Variants in CTNNA1 observed in about 807,000 individuals in gnomAD.
The protein encoded by CTNNA1 is catenin alpha-1.
Under a neutral mutation model 98.4 loss-of-function variants are expected in CTNNA1, and 37 were observed. The observed-to-expected ratio is 0.38, with a 90% CI of 0.29 to 0.49. The LOEUF (loss-of-function observed/expected upper bound fraction) is 0.49, where lower values mean the gene tolerates loss of function less well. Among genes scored for constraint, CTNNA1 ranks in the 20% least tolerant of loss-of-function variants. The pLI is 0.95. For missense variants in CTNNA1, 761 were observed against 1,147.2 expected (o/e 0.66, Z 4.86); for synonymous variants, 404 against 413.2 (o/e 0.98, Z 0.27).
At chr5:138,902,565 G>T (rs190387348) in intron 9 of CTNNA1, among the ~76,000 whole-genome samples, 1 of 152,116 alleles carries the variant, frequency 6.6e-6, no homozygotes, top group African/African-American at 2.4e-5. Context: ...GACTACAGGC[G>T]CCTGCCACCA....
intron 8 of CTNNA1, among the ~76,000 whole-genome samples, chr5:138,886,827 A>T (rs1754147624): frequency 6.6e-6 from 1 of 152,268 alleles, no homozygotes; most frequent in South Asian, 2.1e-4. Context: ...TTTGGAGTCA[A>T]ATTGAGTTTT....
At chr5:138,883,021 G>C (rs1389437050) in intron 7 of CTNNA1, among the ~76,000 whole-genome samples, 3 of 151,956 alleles carry the variant, frequency 2.0e-5, no homozygotes, top group African/African-American at 7.3e-5. Context: ...AATTTTAGTA[G>C]AGACAGGATT....
chr5:138,852,879 A>ACACGCGCGCGCGCACACACACG (rs1763365397), intron 7 of CTNNA1, among the ~76,000 whole-genome samples: 1 of 151,644 alleles, frequency 6.6e-6, no homozygotes. Context: ...GCGCACACAC[A>ACACGCGCGCGCGCACACACACG]CATTTTTGCA....
At chr5:138,841,591 C>G (rs1762274731) in intron 7 of CTNNA1, among the ~76,000 whole-genome samples, 1 of 150,942 alleles carries the variant, frequency 6.6e-6, no homozygotes. Context: ...ATATATAGAA[C>G]CAAAGACTGT....
At chr5:138,921,596 A>AT (rs386405098) in intron 11 of CTNNA1, among the ~76,000 whole-genome samples, 4,287 of 103,818 alleles carry the variant, frequency 0.041, 385 homozygotes, top group African/African-American at 0.12. Context: ...ATTAGTGGTG[A>AT]TTTTTTTTTT....
At chr5:138,839,523 G>T (rs1023002469) in intron 7 of CTNNA1, among the ~76,000 whole-genome samples, 1 of 152,168 alleles carries the variant, frequency 6.6e-6, no homozygotes, top group Non-Finnish European at 1.5e-5. Context: ...TTGTTGGGTG[G>T]AGTGAAAGTG....
chr5:138,786,855 T>C (rs1278177408), intron 3 of CTNNA1, among the ~76,000 whole-genome samples: 1 of 152,172 alleles, frequency 6.6e-6, no homozygotes, highest in African/African-American at 2.4e-5. Flanking sequence ...TAATAATTGT[T>C]TTAAGCTGCC....
At chr5:138,779,110 C>A (rs1176322047) in intron 1 of CTNNA1, among the ~76,000 whole-genome samples, 2 of 152,214 alleles carry the variant, frequency 1.3e-5, no homozygotes, top group African/African-American at 4.8e-5. Context: ...AACTCCTGAC[C>A]TCAGGTGATC....
At chr5:138,778,920 C>T (rs1333224665) in intron 1 of CTNNA1, among the ~76,000 whole-genome samples, 1 of 152,084 alleles carries the variant, frequency 6.6e-6, no homozygotes, top group Non-Finnish European at 1.5e-5. Flanking sequence ...GCTCTGTTGC[C>T]TAGGCTGGAG....
intron 7 of CTNNA1, 173 bp downstream of exon 7, chr5:138,827,891 C>T: frequency 1.5e-6 from 1 of 674,786 alleles, no homozygotes; most frequent in Non-Finnish European, 2.5e-6. Flanking sequence ...TGGCTCTTTC[C>T]TCTCTCCAGC....
In CTNNA1 at chr5:138,827,711, T is replaced by C; in HGVS notation, c.1055T>C (p.Met352Thr). Reference protein sequence around the residue: ...QALQDLLSEYMGNAGRKERSD... With the variant: ...QALQDLLSEYTGNAGRKERSD... The stretch of plus-strand genomic sequence containing the variant: ...CTGCAGGACCTGCTTTCGGAGTACA[T>C]GGGCAATGTGAGTTTGACAGCTTTT... Residue 352 changes from methionine (M) to threonine (T), a missense_variant, in exon 7 of 18, where the codon ATG (methionine) becomes ACG (threonine). By Grantham distance (81) the Met-to-Thr change is moderately conservative. Around this residue, in one of 6 missense-constraint regions of CTNNA1, gnomAD observed 287 missense variants for 436.0 expected, o/e 0.66. Coordinates refer to ENST00000302763, the MANE Select transcript of CTNNA1 (RefSeq NM_001903.5). 3 of 1,614,184 alleles carry C rather than the reference T, an allele frequency of 1.9e-6. No homozygotes were observed. The highest frequency in any genetic ancestry group is 2.5e-6 in the Non-Finnish European group (3 of 1,180,012).
chr5:138,838,946 G>A (rs1236982178), intron 7 of CTNNA1, among the ~76,000 whole-genome samples: 1 of 151,144 alleles, frequency 6.6e-6, no homozygotes, highest in East Asian at 2.0e-4. Context: ...TTTCATTTTT[G>A]TTCAGTTCAA....
chr5:138,813,847 G>A (rs1759112046), intron 5 of CTNNA1, among the ~76,000 whole-genome samples: 1 of 152,038 alleles, frequency 6.6e-6, no homozygotes, highest in Non-Finnish European at 1.5e-5. Context: ...TGAACTCCTG[G>A]GCTCAAGAGA....
At chr5:138,782,351 A>G (rs765633055) in intron 2 of CTNNA1, 3 of 477,454 alleles carry the variant, frequency 6.3e-6, no homozygotes, top group South Asian at 4.7e-5. Context: ...CTTGATTGTT[A>G]AGGTCTCTCA....
intron 7 of CTNNA1, among the ~76,000 whole-genome samples, chr5:138,853,387 G>A (rs1488990312): frequency 6.6e-6 from 1 of 151,498 alleles, no homozygotes; most frequent in East Asian, 1.9e-4. Flanking sequence ...TCATTTGTAT[G>A]TTTTTCTTTG....
chr5:138,856,166 ATACT>A (rs1485154231), intron 7 of CTNNA1, among the ~76,000 whole-genome samples: 1 of 152,202 alleles, frequency 6.6e-6, no homozygotes, highest in Non-Finnish European at 1.5e-5. Flanking sequence ...GCCATGCCAC[ATACT>A]TCTTAACAAA....
chr5:138,756,020 C>A (rs1052133081), intron 1 of CTNNA1, among the ~76,000 whole-genome samples: 5 of 121,940 alleles, frequency 4.1e-5, no homozygotes, highest in Non-Finnish European at 8.7e-5. Context: ...CAAGCTACCA[C>A]GCCCGGCTTA....
Position 138,780,242 on chromosome 5 carries a change from C to A in CTNNA1, c.-2-1681C>A, listed in dbSNP as rs568055631. Among the ~76,000 whole-genome samples, 85 of 151,900 alleles carry A rather than the reference C, an allele frequency of 5.6e-4. 1 individual carries two copies. The highest frequency in any genetic ancestry group is 2.0e-3 in the African/African-American group (85 of 41,546). The stretch of plus-strand genomic sequence containing the variant: ...GTCTTGCTCTTTCGCCCAGGCCGGA[C>A]TGCAGTGGCGCTATCTCTGCTACTG... On this transcript the variant is annotated intron_variant, in intron 1 of 17. Transcript: ENST00000302763.
intron 9 of CTNNA1, among the ~76,000 whole-genome samples, chr5:138,892,123 A>C (rs1053099585): frequency 5.3e-5 from 8 of 152,252 alleles, no homozygotes; most frequent in Non-Finnish European, 1.0e-4. Context: ...CCTAAAATGT[A>C]TAAAACCAAG....
Sources: allele counts gnomAD v4.1 joint callset (sites outside exome capture counted in the v4.1 genomes callset), GRCh38; gene constraint gnomAD v4.1.1; regional missense constraint gnomAD v4.1.1; transcripts MANE v1.5; gene names NCBI Gene and HGNC (gene_info 2026-07-23, HGNC 2026-07-21).